The following ANO2 variants were observed in gnomAD, a reference collection of about 807,000 sequenced individuals.
The protein encoded by ANO2 is anoctamin-2.
ANO2 carries 101 observed loss-of-function variants against 124.2 expected under a neutral mutation model. The observed-to-expected ratio is 0.81, with a 90% confidence interval of 0.69 to 0.96. The LOEUF (loss-of-function observed/expected upper bound fraction) is 0.96. Ranked by LOEUF, ANO2 falls within the 40% of genes least tolerant of loss-of-function variation. The pLI is 0.00. For synonymous variants in ANO2, 486 were observed against 482.5 expected (o/e 1.01, Z -0.09); for missense variants, 1,293 against 1,274.5 (o/e 1.01, Z -0.22).
intron 14 of ANO2, among the ~76,000 whole-genome samples, chr12:5,715,237 G>A (rs1405939571): frequency 2.0e-5 from 3 of 151,956 alleles, no homozygotes; most frequent in Admixed American, 1.3e-4. Context: ...TACATTTTTC[G>A]GTCAATCATT....
chr12:5,760,374 G>T (rs532421293), intron 10 of ANO2, among the ~76,000 whole-genome samples: 30 of 152,272 alleles, frequency 2.0e-4, no homozygotes, highest in Admixed American at 1.6e-3. Flanking sequence ...ACACAAGAGG[G>T]AAATGAGAGC....
At chr12:5,625,912 C>A (rs376777553) in intron 16 of ANO2, among the ~76,000 whole-genome samples, 1 of 152,110 alleles carries the variant, frequency 6.6e-6, no homozygotes, top group East Asian at 1.9e-4. Context: ...GCCTCAGTGT[C>A]CTAATTCATA....
intron 19 of ANO2, among the ~76,000 whole-genome samples, chr12:5,609,984 T>C (rs1327186587): frequency 7.1e-6 from 1 of 141,634 alleles, no homozygotes; most frequent in Non-Finnish European, 1.5e-5. Context: ...AATATATGCA[T>C]TTATATATTT....
At position 5,802,352 on chromosome 12, in the gene ANO2, G is replaced by A. The variant is rs74580441; in HGVS notation, c.991-2781C>T. On this transcript the variant is annotated intron_variant, in intron 9 of 24. Coordinates refer to ENST00000682330, the MANE Select transcript of ANO2 (RefSeq NM_001364791.2). ...AAGCTAGAAGCATACAGAGGAGGCC[G>A]TGATCAGGCAGCCCCTGAAACAGAC... Among the ~76,000 whole-genome samples the A allele has an allele frequency of 4.0e-3, 609 of 152,350 alleles. 3 individuals carry two copies. Among genetic ancestry groups the A allele is most frequent in the Middle Eastern group, 0.01 (3 of 294 alleles).
chr12:5,912,950 T>G (rs187650665), intron 3 of ANO2, among the ~76,000 whole-genome samples: 28 of 152,316 alleles, frequency 1.8e-4, no homozygotes, highest in African/African-American at 6.5e-4. Context: ...TTCCCTGCGT[T>G]TGCTATATCC....
At chr12:5,828,919 C>T (rs73050220) in intron 6 of ANO2, among the ~76,000 whole-genome samples, 12 of 152,316 alleles carry the variant, frequency 7.9e-5, no homozygotes, top group African/African-American at 1.4e-4. Flanking sequence ...TGGGTGAGGT[C>T]CTCCAACCAA....
chr12:5,813,710 G>C (rs1953508061), intron 7 of ANO2, among the ~76,000 whole-genome samples: 1 of 152,002 alleles, frequency 6.6e-6, no homozygotes, highest in African/African-American at 2.4e-5. Context: ...CCAAGTCCTG[G>C]CCACACCCCT....
At chr12:5,571,413 T>C (rs1271648886) in intron 23 of ANO2, among the ~76,000 whole-genome samples, 2 of 152,238 alleles carry the variant, frequency 1.3e-5, no homozygotes, top group East Asian at 1.9e-4. Flanking sequence ...CGGAGACTTG[T>C]GCTAACTTTT....
At chr12:5,827,566 G>A (rs1954000349) in intron 7 of ANO2, among the ~76,000 whole-genome samples, 1 of 152,230 alleles carries the variant, frequency 6.6e-6, no homozygotes, top group African/African-American at 2.4e-5. Flanking sequence ...AGTTACAACA[G>A]CCTGGGGGCA....
At chr12:5,817,695 A>G (rs1306013614) in intron 7 of ANO2, among the ~76,000 whole-genome samples, 1 of 152,210 alleles carries the variant, frequency 6.6e-6, no homozygotes, top group African/African-American at 2.4e-5. Flanking sequence ...GAAGAGGAGC[A>G]GGAGAGAGAG....
intron 4 of ANO2, among the ~76,000 whole-genome samples, chr12:5,845,213 C>T (rs879924275): frequency 6.6e-5 from 10 of 151,744 alleles, no homozygotes; most frequent in Non-Finnish European, 8.8e-5. Context: ...TGCAATAAAC[C>T]GTGACTGTAC....
intron 14 of ANO2, among the ~76,000 whole-genome samples, chr12:5,675,853 AG>A (rs1456468303): frequency 6.6e-6 from 1 of 152,174 alleles, no homozygotes; most frequent in Non-Finnish European, 1.5e-5. Flanking sequence ...CCCCAGTCTC[AG>A]GGCCACGGAG....
chr12:5,734,667 A>C (rs1950781088), intron 13 of ANO2, among the ~76,000 whole-genome samples: 1 of 145,982 alleles, frequency 6.9e-6, no homozygotes, highest in Non-Finnish European at 1.5e-5. Context: ...TTTTTTTTTG[A>C]GACAGAGTCT....
At chr12:5,589,293 G>A (rs1415468943) in intron 20 of ANO2, among the ~76,000 whole-genome samples, 2 of 152,056 alleles carry the variant, frequency 1.3e-5, no homozygotes, top group Non-Finnish European at 2.9e-5. Context: ...GTGCCTAATA[G>A]GCCTGGGATG....
intron 6 of ANO2, among the ~76,000 whole-genome samples, chr12:5,829,451 C>T (rs1045908276): frequency 2.0e-5 from 3 of 152,156 alleles, no homozygotes; most frequent in South Asian, 2.1e-4. Flanking sequence ...TAAGAGTTAA[C>T]GCCATGTTTG....
chr12:5,612,435 T>C (rs910934438), intron 19 of ANO2, among the ~76,000 whole-genome samples: 8 of 152,194 alleles, frequency 5.3e-5, no homozygotes, highest in African/African-American at 1.9e-4. Flanking sequence ...ACTAGTTATG[T>C]GTACTTAAGC....
chr12:5,922,652 G>T lies in ANO2; in HGVS notation c.175C>A (p.Pro59Thr). 1 of 1,554,264 alleles carries T rather than the reference G, an allele frequency of 6.4e-7. No individual in the cohort carries two copies. Among genetic ancestry groups the T allele is most frequent in the Admixed American group, 1.9e-5 (1 of 51,964 alleles). The change falls in exon 2 of 25, where the codon CCC becomes ACC. Residue 59 changes from proline to threonine, a missense_variant. Pro to Thr is a conservative substitution (Grantham distance 38). Transcript: ENST00000682330. Reference sequence around the variant, plus strand: ...CTGCGGGTGCTCTCTCCACCGCAGGGCTGGCCAGGATCTCTGTTGGAACCG... The same window carrying T: ...CTGCGGGTGCTCTCTCCACCGCAGGTCTGGCCAGGATCTCTGTTGGAACCG... ...QGGSNRDPGQ[P>T]CGGESTRSSS... is the part of the protein sequence containing the mutation.
intron 14 of ANO2, among the ~76,000 whole-genome samples, chr12:5,671,235 A>G (rs924978222): frequency 6.6e-6 from 1 of 152,086 alleles, no homozygotes; most frequent in Non-Finnish European, 1.5e-5. Context: ...CAAAGTCACT[A>G]TCATCATCTG....
intron 1 of ANO2, among the ~76,000 whole-genome samples, chr12:5,943,410 G>C (rs1164926446): frequency 6.6e-6 from 1 of 152,004 alleles, no homozygotes; most frequent in Non-Finnish European, 1.5e-5. Context: ...ACTCAGGAAT[G>C]GGTAACTAAA....
Sources: allele counts gnomAD v4.1 joint callset (sites outside exome capture counted in the v4.1 genomes callset), GRCh38; gene constraint gnomAD v4.1.1; transcripts MANE v1.5; gene names NCBI Gene and HGNC (gene_info 2026-07-23, HGNC 2026-07-21).